CACNA2D3: variants seen among roughly 807,000 people sequenced by gnomAD.
CACNA2D3 encodes the protein calcium voltage-gated channel auxiliary subunit alpha2delta 3, also known as voltage-dependent calcium channel subunit alpha-2/delta-3.
In CACNA2D3, 60 loss-of-function variants were observed where a neutral mutation model predicts 160.6. That is an observed-to-expected ratio of 0.37 (90% CI 0.30 to 0.46). CACNA2D3 has a LOEUF of 0.46. Ranked by LOEUF, CACNA2D3 falls within the 20% of genes least tolerant of loss-of-function variation. The pLI, the probability that CACNA2D3 is intolerant of heterozygous loss-of-function variation, is 1.00. For synonymous variants in CACNA2D3, 558 were observed against 492.9 expected, an observed-to-expected ratio of 1.13 and a Z score of -1.75; for missense variants, 1,205 against 1,365.0, an observed-to-expected ratio of 0.88 and a Z score of 1.85.
At chr3:55,004,171 T>G (rs1428121000) in intron 31 of CACNA2D3, among the ~76,000 whole-genome samples, 9 of 152,224 alleles carry the variant, frequency 5.9e-5, no homozygotes, top group Admixed American at 5.9e-4. Flanking sequence ...TGTTTTTGTT[T>G]CATAAGCTAT....
At chr3:54,750,906 A>C (rs897901401) in intron 11 of CACNA2D3, among the ~76,000 whole-genome samples, 1 of 151,884 alleles carries the variant, frequency 6.6e-6, no homozygotes, top group African/African-American at 2.4e-5. Flanking sequence ...AGTAGCTGGG[A>C]CTACAGATGC....
chr3:54,852,984 A>G lies in CACNA2D3; in HGVS notation c.1626+6517A>G, dbSNP rs562471170. 6.4e-5 allele frequency among the ~76,000 whole-genome samples: 9 copies of G among 141,112 alleles called. 1 individual carries two copies. The highest frequency in any genetic ancestry group is 2.6e-4 in the African/African-American group (9 of 34,680). 92.6% of individuals were successfully genotyped at this position (141,112 alleles called of 152,430 possible). ...TTTTTCTTAACTATGCAATTCCGCAACTGAGGAAATAGCAGGTCCTTTCGT... is the reference window on the plus strand; with the variant it reads ...TTTTTCTTAACTATGCAATTCCGCAGCTGAGGAAATAGCAGGTCCTTTCGT... On this transcript the variant is annotated intron_variant, in intron 17 of 37. Transcript: ENST00000474759.
chr3:54,207,000 C>CT (rs1209246315), intron 2 of CACNA2D3, among the ~76,000 whole-genome samples: 1 of 152,212 alleles, frequency 6.6e-6, no homozygotes, highest in Non-Finnish European at 1.5e-5. Context: ...AGGGCATACT[C>CT]TGCCAGTCAG....
intron 27 of CACNA2D3, among the ~76,000 whole-genome samples, chr3:54,946,098 G>A (rs1289650666): frequency 2.6e-5 from 4 of 152,224 alleles, no homozygotes; most frequent in Non-Finnish European, 5.9e-5. Flanking sequence ...GAAATAAAAA[G>A]CAGTATGCAT....
chr3:54,149,929 CT>C (rs1700112707), intron 2 of CACNA2D3, among the ~76,000 whole-genome samples: 1 of 53,988 alleles, frequency 1.9e-5, no homozygotes, highest in African/African-American at 1.0e-4. Context: ...CTCTCTCTCT[CT>C]CCCTCCCTCC....
At chr3:54,123,841 G>A (rs575778251) in intron 2 of CACNA2D3, among the ~76,000 whole-genome samples, 251 of 152,302 alleles carry the variant, frequency 1.6e-3, no homozygotes, top group Non-Finnish European at 3.0e-3. Flanking sequence ...CTGGGGCTCG[G>A]AAACTGAGTG....
chr3:54,931,460 C>T (rs1559634890), intron 27 of CACNA2D3, among the ~76,000 whole-genome samples: 1 of 152,156 alleles, frequency 6.6e-6, no homozygotes, highest in Non-Finnish European at 1.5e-5. Context: ...TTCTTTCTCC[C>T]TCCCTCCCGT....
intron 4 of CACNA2D3, among the ~76,000 whole-genome samples, chr3:54,487,775 G>A (rs1165494293): frequency 6.6e-6 from 1 of 152,242 alleles, no homozygotes; most frequent in Non-Finnish European, 1.5e-5. Context: ...GCTATTTAAA[G>A]TTAAAGTAAA....
chr3:54,207,418 T>C (rs551657143), intron 2 of CACNA2D3, among the ~76,000 whole-genome samples: 2 of 146,436 alleles, frequency 1.4e-5, no homozygotes, highest in East Asian at 4.6e-4. Flanking sequence ...GACACCACTG[T>C]AATCCGGGTG....
At chr3:54,565,221 C>T (rs1404761971) in intron 6 of CACNA2D3, among the ~76,000 whole-genome samples, 1 of 152,144 alleles carries the variant, frequency 6.6e-6, no homozygotes, top group Non-Finnish European at 1.5e-5. Context: ...ACTGCATCCC[C>T]AAAGGAGGGG....
intron 2 of CACNA2D3, among the ~76,000 whole-genome samples, chr3:54,171,095 G>A (rs1700556269): frequency 7.3e-6 from 1 of 137,336 alleles, no homozygotes; most frequent in Non-Finnish European, 1.6e-5. Flanking sequence ...TACTTTGATG[G>A]AAGTTTCATG....
chr3:55,053,005 G>A (rs144458781), intron 35 of CACNA2D3, among the ~76,000 whole-genome samples: 17 of 152,078 alleles, frequency 1.1e-4, no homozygotes, highest in Non-Finnish European at 2.9e-5. Flanking sequence ...CATATTTAAT[G>A]TAGAATATAC....
At chr3:54,389,053 C>T (rs529190348) in intron 4 of CACNA2D3, among the ~76,000 whole-genome samples, 47 of 152,078 alleles carry the variant, frequency 3.1e-4, no homozygotes, top group Admixed American at 7.2e-4. Context: ...ACCTGTAGTC[C>T]CAGCACGTTG....
intron 13 of CACNA2D3, among the ~76,000 whole-genome samples, chr3:54,786,605 T>C (rs2106638345): frequency 6.6e-6 from 1 of 152,326 alleles, no homozygotes; most frequent in Non-Finnish European, 1.5e-5. Flanking sequence ...GCTTTATAGA[T>C]ATTTGGTAGG....
chr3:54,632,750 G>T (rs1399550048), intron 10 of CACNA2D3: 1 of 152,184 alleles, frequency 6.6e-6, no homozygotes, highest in Non-Finnish European at 1.5e-5. Context: ...CAGTCTTAGG[G>T]TGTAAATTGT....
chr3:54,847,160 T>C (rs1036209652), intron 17 of CACNA2D3, among the ~76,000 whole-genome samples: 3 of 152,230 alleles, frequency 2.0e-5, no homozygotes, highest in Admixed American at 2.0e-4. Flanking sequence ...AGGCTGCCCT[T>C]GGGGCATTGG....
At chr3:54,925,237 T>G (rs1700981629) in intron 27 of CACNA2D3, 4 of 1,590,624 alleles carry the variant, frequency 2.5e-6, no homozygotes, top group Middle Eastern at 1.7e-4. Context: ...AGAAAGAAAT[T>G]GGGATAGGAA....
At chr3:54,194,195 A>G (rs990337765) in intron 2 of CACNA2D3, among the ~76,000 whole-genome samples, 7 of 152,194 alleles carry the variant, frequency 4.6e-5, no homozygotes, top group African/African-American at 1.7e-4. Flanking sequence ...AATGTGTTGT[A>G]TATTTCAGAA....
chr3:54,826,085 T>G (rs1703742632), intron 14 of CACNA2D3, among the ~76,000 whole-genome samples: 1 of 152,224 alleles, frequency 6.6e-6, no homozygotes, highest in Non-Finnish European at 1.5e-5. Flanking sequence ...AATTAATTAT[T>G]TTAAAGAAGC....
Sources: gnomAD v4.1 joint callset for allele counts (sites outside exome capture counted in the v4.1 genomes callset) on GRCh38, gnomAD v4.1.1 for gene constraint, MANE v1.5 for transcripts, NCBI Gene and HGNC (gene_info 2026-07-23, HGNC 2026-07-21) for gene names.